The following PHKB variants were observed in gnomAD, a reference collection of about 807,000 sequenced individuals.
PHKB encodes phosphorylase kinase regulatory subunit beta, also known as phosphorylase b kinase regulatory subunit beta.
Under a neutral mutation model 152.1 loss-of-function variants are expected in PHKB, and 122 were observed. That is an observed-to-expected ratio of 0.80 (90% confidence interval 0.69 to 0.93). PHKB has a LOEUF of 0.93. Among genes scored for constraint, PHKB ranks in the 40% least tolerant of loss-of-function variants. The pLI, the probability that PHKB is intolerant of heterozygous loss-of-function variation, is 0.00. For synonymous variants in PHKB, 436 were observed against 464.9 expected, an observed-to-expected ratio of 0.94 and a Z score of 0.80; for missense variants, 1,304 against 1,328.4, an observed-to-expected ratio of 0.98 and a Z score of 0.29.
chr16:47,659,749 T>A (rs928391183), intron 20 of PHKB, among the ~76,000 whole-genome samples: 1 of 152,268 alleles, frequency 6.6e-6, no homozygotes, highest in Non-Finnish European at 1.5e-5. Context: ...TATCCTATCA[T>A]TGGATGGCCC....
chr16:47,666,282 A>G (rs1359461959), intron 25 of PHKB, among the ~76,000 whole-genome samples: 1 of 152,186 alleles, frequency 6.6e-6, no homozygotes, highest in Non-Finnish European at 1.5e-5. Flanking sequence ...AGATCAATGC[A>G]GATGCTAATG....
chr16:47,564,680 T>C (rs1971534698), intron 7 of PHKB, among the ~76,000 whole-genome samples: 1 of 152,228 alleles, frequency 6.6e-6, no homozygotes, highest in Non-Finnish European at 1.5e-5. Flanking sequence ...CCTAGGCCAA[T>C]GTCCAGAAGA....
At chr16:47,556,652 G>A (rs1468169445) in intron 7 of PHKB, among the ~76,000 whole-genome samples, 2 of 152,150 alleles carry the variant, frequency 1.3e-5, no homozygotes, top group African/African-American at 4.8e-5. Flanking sequence ...TTTTTGATGT[G>A]CTGCTGGATT....
At chr16:47,532,992 GGTTATCCTGATAAGT>G (rs1319179780) in intron 6 of PHKB, among the ~76,000 whole-genome samples, 1 of 152,178 alleles carries the variant, frequency 6.6e-6, no homozygotes, top group African/African-American at 2.4e-5. Context: ...TCTGCAGCCA[GGTTATCCTGATAAGT>G]GTTCAACTCC....
chr16:47,512,965 A>G (rs923066746), intron 5 of PHKB, among the ~76,000 whole-genome samples: 5 of 152,220 alleles, frequency 3.3e-5, no homozygotes, highest in African/African-American at 9.6e-5. Flanking sequence ...TCTTGTACTT[A>G]TTTGTAAACA....
chr16:47,585,310 T>C (rs917538125), intron 8 of PHKB, among the ~76,000 whole-genome samples: 1 of 152,176 alleles, frequency 6.6e-6, no homozygotes, highest in Non-Finnish European at 1.5e-5. Flanking sequence ...CTATCCTTAA[T>C]TGGGGAAATC....
intron 7 of PHKB, among the ~76,000 whole-genome samples, chr16:47,563,557 A>G (rs1010115194): frequency 6.6e-6 from 1 of 152,186 alleles, no homozygotes; most frequent in African/African-American, 2.4e-5. Context: ...TGCTGTAAAA[A>G]GATGTGCTGT....
At chr16:47,680,395 G>A (rs1227484595) in intron 26 of PHKB, among the ~76,000 whole-genome samples, 1 of 152,138 alleles carries the variant, frequency 6.6e-6, no homozygotes, top group Non-Finnish European at 1.5e-5. Flanking sequence ...AATCCATCTG[G>A]TCCTGGACTA....
At chr16:47,622,798 T>C (rs1307128402) in intron 14 of PHKB, among the ~76,000 whole-genome samples, 1 of 152,236 alleles carries the variant, frequency 6.6e-6, no homozygotes, top group East Asian at 1.9e-4. Flanking sequence ...ACTTGTTTGC[T>C]AAATCATGTA....
At chr16:47,546,435 T>G (rs1008981967) in intron 6 of PHKB, among the ~76,000 whole-genome samples, 2 of 152,176 alleles carry the variant, frequency 1.3e-5, no homozygotes, top group Non-Finnish European at 2.9e-5. Flanking sequence ...ACAGCAAATA[T>G]TGCAGAACAA....
At chr16:47,482,192 A>C (rs773530477) in intron 1 of PHKB, among the ~76,000 whole-genome samples, 6 of 152,230 alleles carry the variant, frequency 3.9e-5, no homozygotes, top group Admixed American at 6.5e-5. Context: ...ATTGGAGCAA[A>C]TCACTGAAGT....
rs9938504 is a variant in PHKB, at chr16:47,663,872, A to G, written c.2336+138A>G. 939 of 695,084 alleles carry G rather than the reference A, an allele frequency of 1.4e-3. 9 individuals carry two copies. The African/African-American group carries it at 0.015, about 11-fold the overall frequency. 43.1% of individuals were successfully genotyped at this position (695,084 alleles called of 1,614,324 possible). A position where few individuals can be genotyped will look rare whatever the true frequency, so the allele number is the denominator to read the frequency against. On this transcript the variant is annotated intron_variant, in intron 24 of 30. Transcript: ENST00000323584. ...ACCTCCAAGGTTACAGCACTTTCTAAGAATGTGCCTATGTAGCATGTCTGT... is the reference window on the plus strand; with the variant it reads ...ACCTCCAAGGTTACAGCACTTTCTAGGAATGTGCCTATGTAGCATGTCTGT...
intron 6 of PHKB, among the ~76,000 whole-genome samples, chr16:47,530,294 C>T (rs767846141): frequency 6.6e-6 from 1 of 152,022 alleles, no homozygotes; most frequent in African/African-American, 2.4e-5. Flanking sequence ...TGCCACCATG[C>T]GCAACTAATG....
At chr16:47,466,808 A>C (rs1969676605) in intron 1 of PHKB, among the ~76,000 whole-genome samples, 1 of 152,182 alleles carries the variant, frequency 6.6e-6, no homozygotes, top group African/African-American at 2.4e-5. Context: ...AACTAATCTA[A>C]CCGTCAACTA....
At chr16:47,690,112 A>G (rs1974034484) in intron 27 of PHKB, among the ~76,000 whole-genome samples, 1 of 152,218 alleles carries the variant, frequency 6.6e-6, no homozygotes, top group African/African-American at 2.4e-5. Flanking sequence ...AACAGTATAG[A>G]AAGTCCAGAA....
Position 47,698,529 on chromosome 16 carries a change from A to G in PHKB, c.3085A>G (p.Lys1029Glu), listed in dbSNP as rs199558394. Residue 1029 changes from lysine (K) to glutamate (E), a missense_variant, in exon 30 of 31, where the codon AAA becomes GAA. By Grantham distance (56) the Lys-to-Glu change is moderately conservative (BLOSUM62 1). Transcript: ENST00000323584. Reference sequence around the variant, plus strand: ...CAAAGTAGATCTAGACAGACTGGTCAAAGAAGCATTTAATGAATTTCAAAA... The same window carrying G: ...CAAAGTAGATCTAGACAGACTGGTCGAAGAAGCATTTAATGAATTTCAAAA... ...QDKVDLDRLV[K>E]EAFNEFQKDQ... 116 of 1,612,404 alleles carry G rather than the reference A, an allele frequency of 7.2e-5. No individual in the cohort carries two copies. The highest frequency in any genetic ancestry group is 9.3e-5 in the Non-Finnish European group (110 of 1,178,730).
intron 14 of PHKB, among the ~76,000 whole-genome samples, chr16:47,629,236 A>C (rs1229951138): frequency 6.6e-6 from 1 of 152,140 alleles, no homozygotes; most frequent in Admixed American, 6.5e-5. Flanking sequence ...GTGAACAGGC[A>C]ACCTACAAAA....
chr16:47,599,623 C>A (rs1043019224), intron 13 of PHKB, among the ~76,000 whole-genome samples: 7 of 152,170 alleles, frequency 4.6e-5, no homozygotes, highest in African/African-American at 1.7e-4. Flanking sequence ...ATTTCTGTTT[C>A]ATGACCAAAA....
chr16:47,680,216 T>G (rs1973822677), intron 26 of PHKB, among the ~76,000 whole-genome samples: 1 of 152,220 alleles, frequency 6.6e-6, no homozygotes, highest in African/African-American at 2.4e-5. Flanking sequence ...TCAAGGATAT[T>G]GGTCTAAAAT....
Sources: gnomAD v4.1 joint callset for allele counts (sites outside exome capture counted in the v4.1 genomes callset) on GRCh38, gnomAD v4.1.1 for gene constraint, MANE v1.5 for transcripts, NCBI Gene and HGNC (gene_info 2026-07-23, HGNC 2026-07-21) for gene names.